ZBTB44: variants seen among roughly 807,000 people sequenced by gnomAD.
ZBTB44 encodes the protein zinc finger and BTB domain-containing protein 44.
In ZBTB44, 15 loss-of-function variants were observed where a neutral mutation model predicts 54.0. That is an observed-to-expected ratio of 0.28 (90% confidence interval 0.19 to 0.43). The LOEUF (loss-of-function observed/expected upper bound fraction) is 0.43. Ranked by LOEUF, ZBTB44 falls within the 20% of genes least tolerant of loss-of-function variation. ZBTB44 has a pLI of 1.00. For missense variants in ZBTB44, 487 were observed against 707.1 expected, an observed-to-expected ratio of 0.69 and a Z score of 3.53; for synonymous variants, 230 against 250.1, an observed-to-expected ratio of 0.92 and a Z score of 0.76.
At chr11:130,266,893 G>A (rs183854067) in intron 1 of ZBTB44, among the ~76,000 whole-genome samples, 4 of 152,292 alleles carry the variant, frequency 2.6e-5, no homozygotes, top group Admixed American at 2.6e-4. Flanking sequence ...AAATGATTTA[G>A]AAAACTACAT....
intron 1 of ZBTB44, among the ~76,000 whole-genome samples, chr11:130,268,643 A>G (rs1939435650): frequency 6.6e-6 from 1 of 151,998 alleles, no homozygotes; most frequent in South Asian, 2.1e-4. Context: ...CAGTGGCACT[A>G]TCTTGGCTCA....
intron 1 of ZBTB44, among the ~76,000 whole-genome samples, chr11:130,278,141 T>C (rs1428403732): frequency 2.6e-5 from 4 of 152,210 alleles, no homozygotes; most frequent in African/African-American, 9.6e-5. Context: ...TTATATCCAA[T>C]AAGCCCATTG....
At chr11:130,280,554 G>T (rs1940428798) in intron 1 of ZBTB44, among the ~76,000 whole-genome samples, 1 of 152,166 alleles carries the variant, frequency 6.6e-6, no homozygotes, top group African/African-American at 2.4e-5. Flanking sequence ...CAGAAAATTA[G>T]CAAAGACATA....
In ZBTB44 at chr11:130,306,210, A is replaced by G. The variant is rs547395818; in HGVS notation, c.-57+8165T>C. 3.9e-5 allele frequency among the ~76,000 whole-genome samples: 6 copies of G among 152,274 alleles called. No individual in the cohort carries two copies. In the South Asian group the frequency reaches 1.0e-3, roughly 26 times the overall value. ...AAAACAGTATGGAGATTCCTTTAAG[A>G]ACTAAAAGTAGGCTGGGCACGATGG... On this transcript the variant is annotated intron_variant, in intron 1 of 7. Transcript: ENST00000357899.
At chr11:130,242,463 C>G (rs1425841568) in intron 2 of ZBTB44, among the ~76,000 whole-genome samples, 1 of 152,174 alleles carries the variant, frequency 6.6e-6, no homozygotes, top group Non-Finnish European at 1.5e-5. Flanking sequence ...GCTCACTTCA[C>G]TTCTGCCAAA....
At position 130,230,573 on chromosome 11, in the gene ZBTB44, G is replaced by T. The variant is rs1591911526; in HGVS notation, c.*1191C>A. The T allele has an allele frequency of 6.9e-6, 1 of 144,102 alleles. No individual in the cohort carries two copies. The allele number at this position is 144,102 out of a possible 1,614,324, so 8.9% of individuals were successfully genotyped here. A position where few individuals can be genotyped will look rare whatever the true frequency, so the allele number is the denominator to read the frequency against. On this transcript the variant is annotated 3_prime_UTR_variant, in exon 8 of 8. Transcript: ENST00000357899. ...TAGTATATTTTGTCTTACTGAAATT[G>T]ATAAAAAAAAAAAACTGGCAATGTA...
intron 1 of ZBTB44, among the ~76,000 whole-genome samples, chr11:130,289,220 C>T (rs768403551): frequency 1.3e-5 from 2 of 151,630 alleles, no homozygotes; most frequent in Admixed American, 6.6e-5. Context: ...CGGTGGCTCA[C>T]GCCTGTAATC....
At chr11:130,262,360 A>C (rs1221175492) in intron 1 of ZBTB44, among the ~76,000 whole-genome samples, 6 of 152,212 alleles carry the variant, frequency 3.9e-5, no homozygotes, top group Admixed American at 2.6e-4. Context: ...GCTGGTCTTG[A>C]ACTCCTGACC....
Position 130,231,168 on chromosome 11 carries a change from T to G in ZBTB44, c.*596A>C, listed in dbSNP as rs996950979. On this transcript the variant is annotated 3_prime_UTR_variant, in exon 8 of 8. Coordinates refer to ENST00000357899, the MANE Select transcript of ZBTB44 (RefSeq NM_001301098.2). ...CTGGTAAAAATTATGCATCTAGGCA[T>G]CCCTAAGATGAATTTGAAATAAACC... is the stretch of plus-strand genomic sequence containing the variant. 1.3e-5 allele frequency: 2 copies of G among 152,072 alleles called. No individual in the cohort carries two copies. The highest frequency in any genetic ancestry group is 3.9e-4 in the East Asian group (2 of 5,190). 9.4% of individuals were successfully genotyped at this position (152,072 alleles called of 1,614,324 possible).
intron 1 of ZBTB44, chr11:130,285,809 C>T: frequency 5.5e-6 from 1 of 180,976 alleles, no homozygotes; most frequent in African/African-American, 2.3e-5. Context: ...CCACAAGGCA[C>T]ACAACAAATC....
intron 2 of ZBTB44, among the ~76,000 whole-genome samples, chr11:130,252,510 G>C (rs1235267656): frequency 6.6e-6 from 1 of 152,114 alleles, no homozygotes; most frequent in Non-Finnish European, 1.5e-5. Context: ...TTCTAAAATA[G>C]ACCACATAAT....
rs558882569 is a variant in ZBTB44, at chr11:130,245,054, T to C, written c.1019-5158A>G. On this transcript the variant is annotated intron_variant, in intron 2 of 7. Coordinates refer to ENST00000357899, the MANE Select transcript of ZBTB44 (RefSeq NM_001301098.2). ...CACAATCATAAAGAACACTCATTAC[T>C]ATACAGTGTTCTAATACTTGGGTAT... Among the ~76,000 whole-genome samples the C allele has an allele frequency of 9.8e-5, 15 of 152,340 alleles. No homozygotes were observed. The South Asian group carries it at 2.9e-3, about 29-fold the overall frequency.
chr11:130,230,588 C>T lies in ZBTB44; in HGVS notation c.*1176G>A, dbSNP rs904569531. The T allele has an allele frequency of 2.0e-5, 3 of 148,436 alleles. No homozygotes were observed. The highest frequency in any genetic ancestry group is 4.5e-5 in the Non-Finnish European group (3 of 67,228). The allele number at this position is 148,436 out of a possible 1,614,324, so 9.2% of individuals were successfully genotyped here. A position where few individuals can be genotyped will look rare whatever the true frequency, so the allele number is the denominator to read the frequency against. ...TACTGAAATTGATAAAAAAAAAAAA[C>T]TGGCAATGTAACTAAATGCGTAACT... On this transcript the variant is annotated 3_prime_UTR_variant, in exon 8 of 8. Coordinates refer to ENST00000357899, the MANE Select transcript of ZBTB44 (RefSeq NM_001301098.2).
At position 130,256,347 on chromosome 11, in the gene ZBTB44, G is replaced by T. The variant is rs376822738; in HGVS notation, c.1018+4509C>A. Among the ~76,000 whole-genome samples, 95 of 152,208 alleles carry T rather than the reference G, an allele frequency of 6.2e-4. 2 individuals carry two copies. The East Asian group carries it at 0.01, about 16-fold the overall frequency. On this transcript the variant is annotated intron_variant, in intron 2 of 7. Coordinates refer to ENST00000357899, the MANE Select transcript of ZBTB44 (RefSeq NM_001301098.2). ...AAACAGAACCAATGACAAAAACCAC[G>T]ATTATCTCAATAGACGCAGAAAAGG...
At chr11:130,263,274 A>C (rs944997204) in intron 1 of ZBTB44, among the ~76,000 whole-genome samples, 12 of 152,230 alleles carry the variant, frequency 7.9e-5, no homozygotes, top group Non-Finnish European at 1.5e-5. Flanking sequence ...TCAACTGACC[A>C]CAATGAGACA....
intron 1 of ZBTB44, among the ~76,000 whole-genome samples, chr11:130,305,354 C>G (rs1942209077): frequency 6.6e-6 from 1 of 152,182 alleles, no homozygotes; most frequent in Non-Finnish European, 1.5e-5. Flanking sequence ...TGACTTCAAA[C>G]TACACTACAA....
chr11:130,311,737 C>T (rs1413235295), intron 1 of ZBTB44, among the ~76,000 whole-genome samples: 3 of 152,126 alleles, frequency 2.0e-5, no homozygotes, highest in East Asian at 1.9e-4. Flanking sequence ...TTTCTATATA[C>T]GATTTCTCAT....
chr11:130,232,240 A>G (rs1440047475), intron 7 of ZBTB44: 1 of 152,218 alleles, frequency 6.6e-6, no homozygotes, highest in African/African-American at 2.4e-5. Flanking sequence ...CACCTGAACA[A>G]AATTCAGATC....
chr11:130,291,724 C>T (rs1464047002), intron 1 of ZBTB44, among the ~76,000 whole-genome samples: 1 of 152,170 alleles, frequency 6.6e-6, no homozygotes, highest in Non-Finnish European at 1.5e-5. Flanking sequence ...TCTAATCTCT[C>T]CAAGGATTAT....
Sources: gnomAD v4.1 joint callset for allele counts (sites outside exome capture counted in the v4.1 genomes callset) on GRCh38, gnomAD v4.1.1 for gene constraint, MANE v1.5 for transcripts, NCBI Gene and HGNC (gene_info 2026-07-23, HGNC 2026-07-21) for gene names.